The following PPP1R12B variants were observed in gnomAD, a reference collection of about 807,000 sequenced individuals.
PPP1R12B encodes the protein protein phosphatase 1 regulatory subunit 12B.
PPP1R12B carries 76 observed loss-of-function variants against 126.1 expected under a neutral mutation model. The ratio of observed to expected loss-of-function variants is 0.60; its 90% CI spans 0.50 to 0.73. The LOEUF (loss-of-function observed/expected upper bound fraction) is 0.73, where lower values mean the gene tolerates loss of function less well. Among genes scored for constraint, PPP1R12B ranks in the 30% least tolerant of loss-of-function variants. The probability of loss-of-function intolerance (pLI) is 0.00; values close to 1 mark genes in which losing one functional copy is unlikely to be tolerated. For synonymous variants in PPP1R12B, 356 were observed against 434.7 expected (o/e 0.82, Z 2.25); for missense variants, 1,052 against 1,205.1 (o/e 0.87, Z 1.88).
chr1:202,360,672 G>C (rs1658005938), intron 1 of PPP1R12B, among the ~76,000 whole-genome samples: 1 of 150,746 alleles, frequency 6.6e-6, no homozygotes, highest in Admixed American at 6.6e-5. Flanking sequence ...TTGCACCATT[G>C]CACTCCAGCC....
Position 202,446,236 on chromosome 1 carries a change from C to CTCTCTCTCTCTA in PPP1R12B, c.1668-2752_1668-2751insCTCTCTCTCTAT, listed in dbSNP as rs1491246158. ...TTACTCTCTCTCTCTCTCTCTCTCT[C>CTCTCTCTCTCTA]TATATATATATATATATATATTTTT... is the stretch of plus-strand genomic sequence containing the variant. On this transcript the variant is annotated intron_variant, in intron 12 of 23. Coordinates refer to ENST00000608999, the MANE Select transcript of PPP1R12B (RefSeq NM_002481.4). Among the ~76,000 whole-genome samples the CTCTCTCTCTCTA allele has an allele frequency of 9.1e-5, 8 of 88,042 alleles. No homozygotes were observed. The East Asian group carries it at 1.3e-3, about 14-fold the overall frequency. The allele number at this position is 88,042 out of a possible 152,430, so 57.8% of individuals were successfully genotyped here.
At chr1:202,474,084 G>C (rs1001745668) in intron 13 of PPP1R12B, 2 of 458,662 alleles carry the variant, frequency 4.4e-6, no homozygotes, top group African/African-American at 4.0e-5. Flanking sequence ...AAAGTGTGCT[G>C]TATCTGTGGG....
rs372611266 is a variant in PPP1R12B, at chr1:202,577,959, G to A, written c.2863-2515G>A. On this transcript the variant is annotated intron_variant, in intron 23 of 23. Transcript: ENST00000608999. ...CTTTGCTAAACTTCATACTTATATC[G>A]TACTTTCACATATGTTCTTATTTAA... 8.5e-5 allele frequency among the ~76,000 whole-genome samples: 13 copies of A among 152,250 alleles called. No homozygotes were observed. In the East Asian group the frequency reaches 1.2e-3, roughly 14 times the overall value.
intron 1 of PPP1R12B, among the ~76,000 whole-genome samples, chr1:202,412,440 G>C (rs1667518811): frequency 6.6e-6 from 1 of 152,224 alleles, no homozygotes; most frequent in African/African-American, 2.4e-5. Context: ...TCTCCCGTTT[G>C]ATACCTGGAC....
At chr1:202,532,860 C>CTTTTTTT (rs375983770) in intron 18 of PPP1R12B, among the ~76,000 whole-genome samples, 1 of 93,846 alleles carries the variant, frequency 1.1e-5, no homozygotes, top group Non-Finnish European at 2.0e-5. Context: ...ATCACATTCA[C>CTTTTTTT]TTTTTTTTTT....
At chr1:202,544,056 G>T (rs1235665471) in intron 18 of PPP1R12B, among the ~76,000 whole-genome samples, 1 of 152,140 alleles carries the variant, frequency 6.6e-6, no homozygotes, top group Non-Finnish European at 1.5e-5. Context: ...AGATTCACTT[G>T]CATTTCTAAT....
chr1:202,511,261 G>C (rs552291633), intron 18 of PPP1R12B, among the ~76,000 whole-genome samples: 18 of 151,152 alleles, frequency 1.2e-4, no homozygotes, highest in Admixed American at 9.9e-4. Flanking sequence ...CTGTCGCCCA[G>C]GCTGGAGTGC....
intron 18 of PPP1R12B, among the ~76,000 whole-genome samples, chr1:202,531,900 G>C (rs1371384400): frequency 6.6e-6 from 1 of 152,188 alleles, no homozygotes; most frequent in Admixed American, 6.5e-5. Context: ...AGGGTTCTTA[G>C]ATCTCACGCA....
intron 18 of PPP1R12B, among the ~76,000 whole-genome samples, chr1:202,532,564 C>T (rs1216730168): frequency 6.6e-6 from 1 of 152,082 alleles, no homozygotes; most frequent in African/African-American, 2.4e-5. Context: ...CTGGTTGTGG[C>T]CACTAAATTG....
chr1:202,584,686 AGAG>A lies in PPP1R12B; in HGVS notation c.*4127_*4129del, dbSNP rs1387884306. The A allele has an allele frequency of 6.6e-6, 1 of 152,280 alleles. No individual in the cohort carries two copies. Among genetic ancestry groups the A allele is most frequent in the African/African-American group, 2.4e-5 (1 of 41,466 alleles). The allele number at this position is 152,280 out of a possible 1,614,324, so 9.4% of individuals were successfully genotyped here. A position where few individuals can be genotyped will look rare whatever the true frequency, so the allele number is the denominator to read the frequency against. The stretch of plus-strand genomic sequence containing the variant: ...GGAGTGAGCAGAAGAAGCCTGGAGA[AGAG>A]AGAACTATTTAAAAGTGTTGCCAGT... On this transcript the variant is annotated 3_prime_UTR_variant, in exon 24 of 24. Coordinates refer to ENST00000608999, the MANE Select transcript of PPP1R12B (RefSeq NM_002481.4).
intron 1 of PPP1R12B, among the ~76,000 whole-genome samples, chr1:202,364,372 A>G (rs1002499981): frequency 1.3e-5 from 2 of 151,978 alleles, no homozygotes; most frequent in Non-Finnish European, 2.9e-5. Flanking sequence ...TAATCTAAGG[A>G]TTCTATTAAG....
chr1:202,587,847 T>C lies in PPP1R12B; in HGVS notation c.*7287T>C, dbSNP rs563706008. On this transcript the variant is annotated 3_prime_UTR_variant, in exon 24 of 24. Transcript: ENST00000608999. ...TGCCTTCTGATGAAGAGAGGTTAGG[T>C]AAAGAGAGTTTGGAGGAAAAAAGAC... 4.0e-4 allele frequency: 61 copies of C among 152,154 alleles called. No homozygotes were observed. Among genetic ancestry groups the C allele is most frequent in the African/African-American group, 1.4e-3 (58 of 41,488 alleles). The allele number at this position is 152,154 out of a possible 1,614,324, so 9.4% of individuals were successfully genotyped here.
chr1:202,517,503 C>A (rs1246792362), intron 18 of PPP1R12B, among the ~76,000 whole-genome samples: 1 of 151,986 alleles, frequency 6.6e-6, no homozygotes, highest in Non-Finnish European at 1.5e-5. Context: ...ACTGACCTTT[C>A]AGGAATAAAT....
intron 1 of PPP1R12B, among the ~76,000 whole-genome samples, chr1:202,389,788 A>T (rs1167808159): frequency 6.7e-6 from 1 of 149,442 alleles, no homozygotes; most frequent in South Asian, 2.1e-4. Flanking sequence ...TTAGCTGGGC[A>T]TGGTGGTGCA....
At chr1:202,438,282 A>T (rs745644314) in intron 10 of PPP1R12B, 1 of 1,553,408 alleles carries the variant, frequency 6.4e-7, no homozygotes, top group South Asian at 1.1e-5. Context: ...TTGCCCCCTT[A>T]CCTAAAGCAA....
chr1:202,574,922 G>T, intron 23 of PPP1R12B: 2 of 1,316,492 alleles, frequency 1.5e-6, no homozygotes, highest in South Asian at 1.6e-5. Flanking sequence ...TGATTTCTTT[G>T]TCCTACTTTT....
chr1:202,428,952 CAA>C (rs1250979148), intron 6 of PPP1R12B, 23 bp downstream of exon 6: 1 of 1,574,800 alleles, frequency 6.4e-7, no homozygotes, highest in Non-Finnish European at 8.6e-7. Flanking sequence ...TTGGTGCTTT[CAA>C]AAGTTTTCTA....
At chr1:202,384,669 T>C (rs1662849762) in intron 1 of PPP1R12B, among the ~76,000 whole-genome samples, 1 of 152,212 alleles carries the variant, frequency 6.6e-6, no homozygotes, top group African/African-American at 2.4e-5. Context: ...TAAAAACCAT[T>C]GAATTGTACA....
intron 2 of PPP1R12B, chr1:202,417,520 CCATGTGGTACCTGAGATA>C (rs1457769960): frequency 4.8e-6 from 2 of 416,352 alleles, no homozygotes; most frequent in Non-Finnish European, 6.4e-6. Context: ...AGAATCCTGA[CCATGTGGTACCTGAGATA>C]TAAGAGGCAC....
Sources: allele counts gnomAD v4.1 joint callset (sites outside exome capture counted in the v4.1 genomes callset), GRCh38; gene constraint gnomAD v4.1.1; transcripts MANE v1.5; gene names NCBI Gene and HGNC (gene_info 2026-07-23, HGNC 2026-07-21).